Variants in AP3D1 observed in about 807,000 individuals in gnomAD.
AP3D1 encodes adaptor related protein complex 3 subunit delta 1, also known as AP-3 complex subunit delta-1.
A neutral mutation model predicts 147.6 loss-of-function variants in AP3D1; 51 were observed. The observed-to-expected ratio is 0.35, with a 90% CI of 0.28 to 0.44. The LOEUF (loss-of-function observed/expected upper bound fraction) is 0.44. AP3D1 is among the 20% of genes least tolerant of loss of function. The pLI is 1.00. For missense variants in AP3D1, 1,421 were observed against 1,624.2 expected, an observed-to-expected ratio of 0.87 and a Z score of 2.15; for synonymous variants, 760 against 663.0, an observed-to-expected ratio of 1.15 and a Z score of -2.25.
chr19:2,129,579 G>T (rs2018878452), intron 6 of AP3D1, 122 bp from the exon 7 acceptor site: 2 of 1,237,378 alleles, frequency 1.6e-6, no homozygotes, highest in Non-Finnish European at 2.2e-6. Flanking sequence ...CATGGCCCTG[G>T]CTCTGCCACC....
intron 1 of AP3D1, among the ~76,000 whole-genome samples, chr19:2,163,840 G>A (rs1568319496): frequency 6.6e-6 from 1 of 150,490 alleles, no homozygotes; most frequent in Non-Finnish European, 1.5e-5. Flanking sequence ...TGGCGCGCGC[G>A]GGTCGGCCCG....
At chr19:2,119,519 C>T (rs1431171772) in intron 14 of AP3D1, among the ~76,000 whole-genome samples, 1 of 152,004 alleles carries the variant, frequency 6.6e-6, no homozygotes, top group Non-Finnish European at 1.5e-5. Flanking sequence ...CGGTGAAACC[C>T]CATCTCTACT....
chr19:2,117,278 A>C lies in AP3D1; in HGVS notation c.1803T>G (p.Ala601=), dbSNP rs762922698. ...TGGGGGCCACTGGGTTCAGCTCCCC[A>C]GCAAAGAGAGCGCTGACCTCCTCTG... ...PVAEEVSALF[A]GELNPVAPKA... The change falls in exon 16 of 32, where the codon GCT becomes GCG. Residue 601 remains alanine (A), a synonymous_variant. Coordinates refer to ENST00000643116, the MANE Select transcript of AP3D1 (RefSeq NM_001261826.3). The C allele has an allele frequency of 3.7e-6, 6 of 1,612,720 alleles. No individual in the cohort carries two copies. Among genetic ancestry groups the C allele is most frequent in the Non-Finnish European group, 3.4e-6 (4 of 1,179,710 alleles).
intron 9 of AP3D1, among the ~76,000 whole-genome samples, chr19:2,126,689 T>G (rs1215769599): frequency 6.6e-6 from 1 of 150,524 alleles, no homozygotes; most frequent in Non-Finnish European, 1.5e-5. Context: ...AAAGAAAATA[T>G]TTTTGTGGTA....
At chr19:2,103,694 AG>A (rs979167240) in intron 31 of AP3D1, among the ~76,000 whole-genome samples, 2 of 152,020 alleles carry the variant, frequency 1.3e-5, no homozygotes, top group Non-Finnish European at 2.9e-5. Context: ...CCCAGAAGGC[AG>A]GGGGGACTTG....
At chr19:2,152,269 T>C (rs1473353082), upstream of AP3D1, among the ~76,000 whole-genome samples, 1 of 152,030 alleles carries the variant, frequency 6.6e-6, no homozygotes, top group Non-Finnish European at 1.5e-5. Flanking sequence ...TGGCCAGCCG[T>C]GGTGGCTCAC....
chr19:2,105,427 T>C (rs1003399020), intron 31 of AP3D1, among the ~76,000 whole-genome samples: 1 of 152,206 alleles, frequency 6.6e-6, no homozygotes, highest in Admixed American at 6.5e-5. Flanking sequence ...CCACAAACAA[T>C]AGCATGAGCG....
intron 14 of AP3D1, 144 bp from the exon 15 acceptor site, chr19:2,118,976 G>C: frequency 4.1e-6 from 3 of 723,058 alleles, no homozygotes; most frequent in Non-Finnish European, 6.8e-6. Flanking sequence ...CAGGGGCTGA[G>C]ACACGAAGTA....
chr19:2,134,717 T>G (rs896619014), intron 4 of AP3D1, among the ~76,000 whole-genome samples: 1 of 151,506 alleles, frequency 6.6e-6, no homozygotes, highest in African/African-American at 2.4e-5. Context: ...TTCTCCTGCC[T>G]CAGCCTCCTG....
chr19:2,160,609 G>A, intron 1 of AP3D1, among the ~76,000 whole-genome samples: 1 of 152,012 alleles, frequency 6.6e-6, no homozygotes, highest in East Asian at 1.9e-4. Context: ...GCTCCCAGTA[G>A]CCTATGGGAG....
At position 2,114,836 on chromosome 19, in the gene AP3D1, G is replaced by A; in HGVS notation, c.2350-15C>T. On this transcript the variant is annotated splice_polypyrimidine_tract_variant and intron_variant, in intron 20 of 31. Coordinates refer to ENST00000643116, the MANE Select transcript of AP3D1 (RefSeq NM_001261826.3). ...GGCAGAGCATTCTGACAGGAAGAGA[G>A]GAACCCCATCACTGGAACCCGCCCT... 6.2e-7 allele frequency: 1 copy of A among 1,613,888 alleles called. No homozygotes were observed. Among genetic ancestry groups the A allele is most frequent in the Non-Finnish European group, 8.5e-7 (1 of 1,179,854 alleles).
upstream of AP3D1, chr19:2,151,609 C>T (rs1032042054): frequency 1.3e-5 from 2 of 154,182 alleles, no homozygotes; most frequent in Non-Finnish European, 1.4e-5. Context: ...CGAGCCGGCC[C>T]CGGAAGCCCC....
chr19:2,162,368 C>G (rs555378842), intron 1 of AP3D1, among the ~76,000 whole-genome samples: 60 of 142,204 alleles, frequency 4.2e-4, no homozygotes, highest in Admixed American at 2.4e-3. Context: ...CTAAAGGGGC[C>G]GGGTGCGGTG....
chr19:2,123,932 C>A, intron 9 of AP3D1, 53 bp from the exon 10 acceptor site: 8 of 1,548,252 alleles, frequency 5.2e-6, no homozygotes, highest in Non-Finnish European at 7.0e-6. Flanking sequence ...CCAGCGCCGA[C>A]ACCAACTCAG....
rs1243403625 is a variant in AP3D1 at position 2,101,757 on chromosome 19, G to A, written c.*416C>T. On this transcript the variant is annotated 3_prime_UTR_variant, in exon 32 of 32. Coordinates refer to ENST00000643116, the MANE Select transcript of AP3D1 (RefSeq NM_001261826.3). ...CCCGGACGCAACCGTCAGGACCTTT[G>A]GGTCAAAAGCAGGCGACCCCAGAGG... 6.0e-6 allele frequency: 1 copy of A among 166,346 alleles called. No homozygotes were observed. Among genetic ancestry groups the A allele is most frequent in the Non-Finnish European group, 1.3e-5 (1 of 76,984 alleles). 10.3% of individuals were successfully genotyped at this position (166,346 alleles called of 1,614,324 possible). A position where few individuals can be genotyped will look rare whatever the true frequency, so the allele number is the denominator to read the frequency against.
chr19:2,115,802 G>A (rs1008976240), intron 18 of AP3D1, among the ~76,000 whole-genome samples, 189 bp from the exon 19 acceptor site: 7 of 152,262 alleles, frequency 4.6e-5, no homozygotes, highest in African/African-American at 1.7e-4. Flanking sequence ...AAGACAGTGA[G>A]GACTGGAAAG....
At chr19:2,123,108 C>A (rs1005702807) in intron 11 of AP3D1, among the ~76,000 whole-genome samples, 1 of 152,246 alleles carries the variant, frequency 6.6e-6, no homozygotes, top group Non-Finnish European at 1.5e-5. Context: ...CTTTGCCATG[C>A]CCCCTGCATC....
At chr19:2,112,176 T>C in intron 24 of AP3D1, 3 of 317,228 alleles carry the variant, frequency 9.5e-6, no homozygotes, top group Non-Finnish European at 1.8e-5. Flanking sequence ...CCACGCGCAC[T>C]GCGCAGATGT....
At chr19:2,106,616 A>G (rs1351782792) in intron 31 of AP3D1, among the ~76,000 whole-genome samples, 1 of 152,164 alleles carries the variant, frequency 6.6e-6, no homozygotes, top group African/African-American at 2.4e-5. Flanking sequence ...GTTTAACAAC[A>G]ATGTTGATAG....
Sources: allele counts gnomAD v4.1 joint callset (sites outside exome capture counted in the v4.1 genomes callset), GRCh38; gene constraint gnomAD v4.1.1; transcripts MANE v1.5; gene names NCBI Gene and HGNC (gene_info 2026-07-23, HGNC 2026-07-21).